The following PDSS1 variants were observed in gnomAD, a reference collection of about 807,000 sequenced individuals.
PDSS1 encodes the protein all trans-polyprenyl-diphosphate synthase PDSS1.
In PDSS1, 43 loss-of-function variants were observed where a neutral mutation model predicts 57.5. That is an observed-to-expected ratio of 0.75 (90% confidence interval 0.59 to 0.96). The LOEUF (loss-of-function observed/expected upper bound fraction) is 0.96. PDSS1 is among the 50% of genes least tolerant of loss of function. The pLI is 0.00. For synonymous variants in PDSS1, 175 were observed against 191.3 expected (o/e 0.91, Z 0.70); for missense variants, 438 against 527.8 (o/e 0.83, Z 1.67).
intron 5 of PDSS1, chr10:26,717,907 A>C (rs148736526): frequency 1.3e-5 from 2 of 152,302 alleles, no homozygotes; most frequent in Admixed American, 1.3e-4. Flanking sequence ...CAAAGAAGAT[A>C]GGGCCTAGTA....
At chr10:26,714,722 A>G (rs999971184) in intron 5 of PDSS1, 3 of 152,202 alleles carry the variant, frequency 2.0e-5, no homozygotes, top group African/African-American at 7.2e-5. Context: ...CAGACTACCC[A>G]AATTGTGCTG....
At chr10:26,714,539 C>T (rs932653724) in intron 5 of PDSS1, 1 of 152,082 alleles carries the variant, frequency 6.6e-6, no homozygotes, top group Admixed American at 6.6e-5. Context: ...TCACTGAATG[C>T]AGCACAGTTA....
chr10:26,745,411 T>G (rs1836812502), intron 11 of PDSS1, among the ~76,000 whole-genome samples: 1 of 152,020 alleles, frequency 6.6e-6, no homozygotes, highest in Admixed American at 6.6e-5. Context: ...GAAGATAAAA[T>G]CTGAAGTTGA....
At chr10:26,716,142 G>A (rs1174050555) in intron 5 of PDSS1, among the ~76,000 whole-genome samples, 1 of 152,200 alleles carries the variant, frequency 6.6e-6, no homozygotes, top group African/African-American at 2.4e-5. Context: ...AGCAGTGGCT[G>A]GGGAGGATGG....
In PDSS1 at chr10:26,735,268, T is replaced by C. The variant is rs367783149; in HGVS notation, c.860T>C (p.Val287Ala). 3.7e-5 allele frequency: 59 copies of C among 1,613,510 alleles called. No homozygotes were observed. In the Middle Eastern group the frequency reaches 8.2e-4, roughly 22 times the overall value. Residue 287 changes from valine to alanine, a missense_variant, in exon 9 of 12, where the codon GTG (valine) becomes GCG (alanine). Around this residue, in one of 2 missense-constraint regions of PDSS1, gnomAD observed 284 missense variants for 390.7 expected, o/e 0.73. Transcript: ENST00000376215. ...AVSVLGCPDPVVHEIAYQYGK... is the reference protein window; with the variant it reads ...AVSVLGCPDPAVHEIAYQYGK... ...TCTGTTCTAGGATGTCCCGACCCAG[T>C]GGTGCATGAGATCGCCTATCAGTAC...
At chr10:26,739,613 A>G (rs958161441) in intron 10 of PDSS1, among the ~76,000 whole-genome samples, 1 of 152,228 alleles carries the variant, frequency 6.6e-6, no homozygotes, top group Admixed American at 6.5e-5. Context: ...CTTATACATC[A>G]TAAACAAGGT....
In PDSS1 at chr10:26,704,723, A is replaced by C. The variant is rs762915129; in HGVS notation, c.209A>C (p.Asn70Thr). 1 of 1,437,760 alleles carries C rather than the reference A, an allele frequency of 7.0e-7. No homozygotes were observed. The highest frequency in any genetic ancestry group is 1.1e-5 in the South Asian group (1 of 87,312). The allele number at this position is 1,437,760 out of a possible 1,614,324, so 89.1% of individuals were successfully genotyped here. Residue 70 changes from asparagine to threonine, a missense_variant, in exon 3 of 12, where the codon AAT (asparagine) becomes ACT (threonine). Around this residue, in one of 2 missense-constraint regions of PDSS1, gnomAD observed 154 missense variants for 137.0 expected, o/e 1.12. Coordinates refer to ENST00000376215, the MANE Select transcript of PDSS1 (RefSeq NM_014317.5). The part of the protein sequence containing the change: ...LVKHLTSACP[N>T]VCRISRFHHT... ...AAGCATTTAACATCTGCCTGTCCAA[A>C]TGTATGTCGTATATCACGGTAAGTT...
intron 10 of PDSS1, among the ~76,000 whole-genome samples, chr10:26,736,214 G>A (rs143782969): frequency 9.9e-5 from 15 of 152,186 alleles, no homozygotes; most frequent in Admixed American, 2.6e-4. Context: ...ATGTTCCCTC[G>A]ACTGACAAAG....
chr10:26,732,823 C>T (rs965724479), intron 8 of PDSS1, among the ~76,000 whole-genome samples: 10 of 152,164 alleles, frequency 6.6e-5, no homozygotes, highest in Non-Finnish European at 1.5e-4. Context: ...TTAAAATGTT[C>T]ACTAACAGAT....
rs917000527 is a variant in PDSS1 at position 26,709,824 on chromosome 10, C to T, written c.467+56C>T. 4.8e-5 allele frequency: 75 copies of T among 1,560,444 alleles called. No individual in the cohort carries two copies. The East Asian group carries it at 9.0e-4, about 19-fold the overall frequency. On this transcript the variant is annotated intron_variant, in intron 5 of 11. Transcript: ENST00000376215. Reference sequence around the variant, plus strand: ...TTTATATTTGGGAAGTCTTTCTTCCCGGGGTTACTTACTGTTTCATTTCCC... The same window carrying T: ...TTTATATTTGGGAAGTCTTTCTTCCTGGGGTTACTTACTGTTTCATTTCCC...
At chr10:26,744,886 G>A (rs765615876) in intron 11 of PDSS1, among the ~76,000 whole-genome samples, 12 of 152,044 alleles carry the variant, frequency 7.9e-5, no homozygotes, top group Non-Finnish European at 1.3e-4. Context: ...AGAGGGGTCC[G>A]GGCGCAGTGG....
At chr10:26,710,984 G>A in intron 5 of PDSS1, among the ~76,000 whole-genome samples, 1 of 98,470 alleles carries the variant, frequency 1.0e-5, no homozygotes, top group Non-Finnish European at 2.4e-5. Context: ...CCTTGAAGAG[G>A]CTAAGAAATG....
chr10:26,697,716 C>G lies in PDSS1; in HGVS notation c.5C>G (p.Ala2Gly). The change falls in exon 1 of 12, where the codon GCC (alanine) becomes GGC (glycine). Residue 2 changes from alanine to glycine, a missense_variant. By Grantham distance (60) the Ala-to-Gly change is moderately conservative (BLOSUM62 0). Transcript: ENST00000376215. ...CGCGACTTTCAGACTCCGACCATGGCCTCGCGCTGGTGGCGGTGGCGGCGC... is the reference window on the plus strand; with the variant it reads ...CGCGACTTTCAGACTCCGACCATGGGCTCGCGCTGGTGGCGGTGGCGGCGC... M[A>G]SRWWRWRRGC... 7.7e-7 allele frequency: 1 copy of G among 1,297,756 alleles called. No homozygotes were observed. The highest frequency in any genetic ancestry group is 9.7e-7 in the Non-Finnish European group (1 of 1,026,918). 80.4% of individuals were successfully genotyped at this position (1,297,756 alleles called of 1,614,324 possible). A position where few individuals can be genotyped will look rare whatever the true frequency, so the allele number is the denominator to read the frequency against.
chr10:26,730,111 A>G (rs928504645), intron 8 of PDSS1, among the ~76,000 whole-genome samples: 1 of 151,264 alleles, frequency 6.6e-6, no homozygotes, highest in South Asian at 2.1e-4. Context: ...ATGGGGTTTC[A>G]TGGTGTTAGC....
At chr10:26,745,155 T>G (rs1361190921) in intron 11 of PDSS1, among the ~76,000 whole-genome samples, 6 of 151,792 alleles carry the variant, frequency 4.0e-5, no homozygotes, top group African/African-American at 4.8e-5. Flanking sequence ...CAGAGCAAGA[T>G]TCCATCTCAA....
intron 5 of PDSS1, among the ~76,000 whole-genome samples, chr10:26,710,791 A>C (rs1441294568): frequency 1.0e-5 from 1 of 99,084 alleles, no homozygotes; most frequent in Non-Finnish European, 2.3e-5. Flanking sequence ...GATTACTGAC[A>C]CCTGAGGGAG....
intron 6 of PDSS1, among the ~76,000 whole-genome samples, chr10:26,720,607 C>T (rs551191681): frequency 1.3e-5 from 2 of 152,220 alleles, no homozygotes; most frequent in South Asian, 4.1e-4. Context: ...AAGGGATTTT[C>T]ATGGGTGTCC....
At chr10:26,712,576 G>A (rs1051462455) in intron 5 of PDSS1, among the ~76,000 whole-genome samples, 2 of 98,724 alleles carry the variant, frequency 2.0e-5, no homozygotes, top group African/African-American at 3.3e-5. Flanking sequence ...TGCTCTCCAA[G>A]CCCCAACTTC....
intron 6 of PDSS1, among the ~76,000 whole-genome samples, chr10:26,722,275 T>A (rs1835813903): frequency 6.6e-6 from 1 of 152,234 alleles, no homozygotes; most frequent in East Asian, 1.9e-4. Context: ...ATATGTATAT[T>A]ATATAAAGTG....
Sources: allele counts gnomAD v4.1 joint callset (sites outside exome capture counted in the v4.1 genomes callset), GRCh38; gene constraint gnomAD v4.1.1; regional missense constraint gnomAD v4.1.1; transcripts MANE v1.5; gene names NCBI Gene and HGNC (gene_info 2026-07-23, HGNC 2026-07-21).